XKR9: variants seen among roughly 807,000 people sequenced by gnomAD.
XKR9 encodes the protein XK-related protein 9.
XKR9 carries 32 observed loss-of-function variants against 32.0 expected under a neutral mutation model. The observed-to-expected ratio is 1.00, with a 90% CI of 0.76 to 1.34. The LOEUF (loss-of-function observed/expected upper bound fraction) is 1.34, where lower values mean the gene tolerates loss of function less well. XKR9 is among the 40% of genes most tolerant of loss of function. XKR9 has a pLI of 0.00. For missense variants in XKR9, 546 were observed against 429.7 expected (o/e 1.27, Z -2.39); for synonymous variants, 168 against 143.4 (o/e 1.17, Z -1.22).
At chr8:70,745,070 A>G (rs569978065) in intron 2 of XKR9, among the ~76,000 whole-genome samples, 3 of 150,252 alleles carry the variant, frequency 2.0e-5, no homozygotes, top group Admixed American at 6.6e-5. Context: ...TTATACATCT[A>G]CTAAGGAGCT....
chr8:70,851,372 G>A, the XKR9 span, among the ~76,000 whole-genome samples: 143 of 152,220 alleles, frequency 9.4e-4, no homozygotes, highest in African/African-American at 3.2e-3. Flanking sequence ...ATAATTTATA[G>A]ATTCAATGCT....
At chr8:70,774,704 A>T (rs1384030108) in intron 2 of XKR9, among the ~76,000 whole-genome samples, 1 of 152,118 alleles carries the variant, frequency 6.6e-6, no homozygotes. Context: ...GTAAAAAATA[A>T]ATTGACCCTA....
intron 4 of XKR9, among the ~76,000 whole-genome samples, chr8:70,710,895 C>A (rs1282973952): frequency 6.6e-6 from 1 of 151,990 alleles, no homozygotes. Flanking sequence ...CAGCAGAGGT[C>A]AAAATCTAGA....
intron 2 of XKR9, among the ~76,000 whole-genome samples, chr8:70,753,922 T>C (rs1354124458): frequency 6.2e-5 from 9 of 144,934 alleles, no homozygotes; most frequent in East Asian, 2.0e-4. Flanking sequence ...CCAGGGCAAT[T>C]AGGCAGGAGA....
intron 2 of XKR9, among the ~76,000 whole-genome samples, chr8:70,779,642 G>T (rs1421830589): frequency 6.6e-6 from 1 of 152,062 alleles, no homozygotes; most frequent in Non-Finnish European, 1.5e-5. Context: ...ACCTGTTGTT[G>T]GTCTATTCAG....
chr8:70,724,335 C>T (rs1032997462), intron 4 of XKR9, among the ~76,000 whole-genome samples: 1 of 151,952 alleles, frequency 6.6e-6, no homozygotes, highest in Non-Finnish European at 1.5e-5. Context: ...GTGTAGGACC[C>T]ACTGAGTGAG....
At chr8:70,932,421 T>C in the XKR9 span, among the ~76,000 whole-genome samples, 1 of 152,146 alleles carries the variant, frequency 6.6e-6, no homozygotes, top group Non-Finnish European at 1.5e-5. Context: ...ACCACTAGTC[T>C]AGGTCAGAGT....
the XKR9 span, among the ~76,000 whole-genome samples, chr8:70,797,371 T>C: frequency 1.3e-5 from 2 of 152,142 alleles, no homozygotes; most frequent in African/African-American, 4.8e-5. Context: ...AGGTGTGGCC[T>C]TTCTTCTAAG....
chr8:70,674,524 C>T (rs938356663), intron 1 of XKR9, among the ~76,000 whole-genome samples: 2 of 152,290 alleles, frequency 1.3e-5, no homozygotes, highest in Admixed American at 6.5e-5. Context: ...AATTTAAGAA[C>T]CTCCTTTTCA....
chr8:70,757,254 C>T (rs918556703), intron 2 of XKR9, among the ~76,000 whole-genome samples: 2 of 152,004 alleles, frequency 1.3e-5, no homozygotes, highest in African/African-American at 2.4e-5. Flanking sequence ...CATGTTGGTG[C>T]ATTTAATGGT....
the XKR9 span, among the ~76,000 whole-genome samples, chr8:70,972,350 C>G: frequency 6.6e-6 from 1 of 152,102 alleles, no homozygotes; most frequent in South Asian, 2.1e-4. Flanking sequence ...TTCACCAGCT[C>G]TAGGAGCTAT....
At chr8:70,711,384 T>G (rs1280942486) in intron 4 of XKR9, among the ~76,000 whole-genome samples, 1 of 152,124 alleles carries the variant, frequency 6.6e-6, no homozygotes. Flanking sequence ...TAGATGTCAA[T>G]CAGTTGTGAA....
chr8:70,809,156 G>A, the XKR9 span, among the ~76,000 whole-genome samples: 2 of 152,192 alleles, frequency 1.3e-5, no homozygotes, highest in East Asian at 3.8e-4. Context: ...CTGTTCTGCA[G>A]CCACTGCTGC....
the XKR9 span, among the ~76,000 whole-genome samples, chr8:71,020,529 T>TG: frequency 6.6e-6 from 1 of 152,224 alleles, no homozygotes; most frequent in Non-Finnish European, 1.5e-5. Flanking sequence ...ATTGTATAGG[T>TG]CTGCACAAAT....
At chr8:70,739,245 T>A (rs952883094), downstream of XKR9, among the ~76,000 whole-genome samples, 1 of 152,192 alleles carries the variant, frequency 6.6e-6, no homozygotes, top group African/African-American at 2.4e-5. Context: ...TCTCTTTTGA[T>A]GTTTGTTGGT....
chr8:70,875,922 C>T, the XKR9 span, among the ~76,000 whole-genome samples: 1 of 151,856 alleles, frequency 6.6e-6, no homozygotes, highest in Non-Finnish European at 1.5e-5. Context: ...AATATATCAG[C>T]AAACCATAAA....
At chr8:70,971,311 T>C in the XKR9 span, among the ~76,000 whole-genome samples, 1 of 150,584 alleles carries the variant, frequency 6.6e-6, no homozygotes. Flanking sequence ...TTTGATGGGA[T>C]TTTTTTTTTC....
the XKR9 span, among the ~76,000 whole-genome samples, chr8:70,976,681 T>C: frequency 6.6e-6 from 1 of 152,214 alleles, no homozygotes; most frequent in Non-Finnish European, 1.5e-5. Context: ...AAAATTCTCT[T>C]TTTTTGTTAT....
the XKR9 span, among the ~76,000 whole-genome samples, chr8:70,994,233 C>G: frequency 3.9e-5 from 6 of 152,148 alleles, no homozygotes; most frequent in African/African-American, 1.4e-4. Context: ...ATTCCAGTTT[C>G]CAACCTATAC....
Sources: gnomAD v4.1 joint callset for allele counts (sites outside exome capture counted in the v4.1 genomes callset) on GRCh38, gnomAD v4.1.1 for gene constraint, MANE v1.5 for transcripts, NCBI Gene and HGNC (gene_info 2026-07-23, HGNC 2026-07-21) for gene names.